GRXCR2: variants seen among roughly 807,000 people sequenced by gnomAD.
GRXCR2 encodes the protein glutaredoxin and cysteine rich domain containing 2, also known as glutaredoxin domain-containing cysteine-rich protein 2.
GRXCR2 carries 23 observed loss-of-function variants against 24.8 expected under a neutral mutation model. That is an observed-to-expected ratio of 0.93 (90% CI 0.67 to 1.32). The LOEUF is 1.32. Among genes scored for constraint, GRXCR2 ranks in the 40% most tolerant of loss-of-function variants. GRXCR2 has a pLI of 0.00. For synonymous variants in GRXCR2, 130 were observed against 116.1 expected (o/e 1.12, Z -0.77); for missense variants, 315 against 303.4 (o/e 1.04, Z -0.28).
intron 2 of GRXCR2, among the ~76,000 whole-genome samples, chr5:145,913,281 C>A (rs1757191514): frequency 6.6e-6 from 1 of 152,210 alleles, no homozygotes; most frequent in South Asian, 2.1e-4. Context: ...CATTTAGACC[C>A]ATGGTCTTCC....
At position 145,859,849 on chromosome 5, in the gene GRXCR2, A is replaced by G; in HGVS notation, c.631T>C (p.Cys211Arg). Reference protein sequence around the residue: ...RGSGSATCSLCHGSKFSMLAN... With the variant: ...RGSGSATCSLRHGSKFSMLAN... Reference sequence around the variant, plus strand: ...AGCATCGAGAACTTGCTGCCGTGGCACAGAGAGCAGGTGGCACTGCCCGAC... The same window carrying G: ...AGCATCGAGAACTTGCTGCCGTGGCGCAGAGAGCAGGTGGCACTGCCCGAC... Residue 211 changes from cysteine (C) to arginine (R), a missense_variant, in exon 3 of 3, where the codon TGC (cysteine) becomes CGC (arginine). Physicochemically the swap from Cys to Arg is radical, Grantham distance 180 (BLOSUM62 -3). Coordinates refer to ENST00000377976, the MANE Select transcript of GRXCR2 (RefSeq NM_001080516.2). The G allele has an allele frequency of 1.9e-6, 3 of 1,613,282 alleles. No individual in the cohort carries two copies. The highest frequency in any genetic ancestry group is 2.5e-6 in the Non-Finnish European group (3 of 1,179,510).
intron 2 of GRXCR2, among the ~76,000 whole-genome samples, chr5:145,864,519 G>A (rs954400096): frequency 1.7e-4 from 26 of 152,126 alleles, no homozygotes; most frequent in Admixed American, 1.6e-3. Flanking sequence ...GGAACCTGGT[G>A]GAAGGTGATT....
rs148307083 is a variant in GRXCR2 at position 145,900,605 on chromosome 5, G to A, written c.-69-33877C>T. On this transcript the variant is annotated intron_variant, in intron 2 of 3. Transcript: ENST00000639411. ...CACAGTGAGATGCCATCTCACACCA[G>A]TCAGAATGGCAATTATTAAAAAGTC... is the stretch of plus-strand genomic sequence containing the variant. Among the ~76,000 whole-genome samples the A allele has an allele frequency of 6.9e-3, 1,052 of 152,262 alleles. 11 individuals carry two copies. Among genetic ancestry groups the A allele is most frequent in the African/African-American group, 0.024 (1,012 of 41,550 alleles).
chr5:145,889,175 AGAAAG>A (rs1177663849), intron 2 of GRXCR2, among the ~76,000 whole-genome samples: 4 of 83,570 alleles, frequency 4.8e-5, no homozygotes, highest in African/African-American at 1.8e-4. Context: ...TCTCAAAAAA[AGAAAG>A]AAAGAAAGAA....
upstream of GRXCR2, among the ~76,000 whole-genome samples, chr5:145,874,815 C>A (rs1561679201): frequency 6.6e-6 from 1 of 152,210 alleles, no homozygotes; most frequent in East Asian, 1.9e-4. Flanking sequence ...CTCTGTCACT[C>A]TTCCAGGGGC....
At chr5:145,915,462 C>A (rs1757223455) in intron 2 of GRXCR2, among the ~76,000 whole-genome samples, 1 of 152,100 alleles carries the variant, frequency 6.6e-6, no homozygotes, top group African/African-American at 2.4e-5. Flanking sequence ...TCCAGAACAA[C>A]CTCAAGCCAC....
chr5:145,913,220 T>C (rs190970901), intron 2 of GRXCR2, among the ~76,000 whole-genome samples: 133 of 152,340 alleles, frequency 8.7e-4, no homozygotes, highest in African/African-American at 3.1e-3. Context: ...CACCTGTTTT[T>C]CTACTAATGT....
At chr5:145,886,111 T>C (rs1756776020) in intron 2 of GRXCR2, among the ~76,000 whole-genome samples, 1 of 152,206 alleles carries the variant, frequency 6.6e-6, no homozygotes, top group African/African-American at 2.4e-5. Context: ...ACTAGTCTCA[T>C]CATATTCTAG....
In GRXCR2 at chr5:145,858,574, GTTAAA is replaced by G. The variant is rs1450070259; in HGVS notation, c.*1154_*1158del. On this transcript the variant is annotated 3_prime_UTR_variant, in exon 3 of 3. Transcript: ENST00000377976. ...TATATTGCCTGAAAAGCATTCCATT[GTTAAA>G]TTATGTTAAACGCTGAATATTAGAG... is the stretch of plus-strand genomic sequence containing the variant. 1 of 152,106 alleles carries G rather than the reference GTTAAA, an allele frequency of 6.6e-6. No individual in the cohort carries two copies. The highest frequency in any genetic ancestry group is 2.4e-5 in the African/African-American group (1 of 41,426). The allele number at this position is 152,106 out of a possible 1,614,324, so 9.4% of individuals were successfully genotyped here.
intron 2 of GRXCR2, among the ~76,000 whole-genome samples, chr5:145,884,201 A>G (rs1220398869): frequency 6.6e-6 from 1 of 152,158 alleles, no homozygotes; most frequent in South Asian, 2.1e-4. Context: ...CAGAGAATAG[A>G]GGAATGGTTA....
At chr5:145,868,227 G>C (rs1300884292) in intron 1 of GRXCR2, among the ~76,000 whole-genome samples, 1 of 152,090 alleles carries the variant, frequency 6.6e-6, no homozygotes, top group Non-Finnish European at 1.5e-5. Flanking sequence ...CTTCTGTAGT[G>C]CATGCACAAT....
chr5:145,928,808 C>T (rs1757436266), intron 2 of GRXCR2, among the ~76,000 whole-genome samples: 1 of 151,668 alleles, frequency 6.6e-6, no homozygotes, highest in African/African-American at 2.4e-5. Flanking sequence ...TGTTAAATGA[C>T]AAGTTAATGG....
At chr5:145,928,109 T>C (rs1436252278) in intron 2 of GRXCR2, among the ~76,000 whole-genome samples, 2 of 151,756 alleles carry the variant, frequency 1.3e-5, no homozygotes, top group Non-Finnish European at 2.9e-5. Context: ...AACAGACACT[T>C]CTCAAAAGAA....
chr5:145,878,930 T>C (rs530823929), intron 2 of GRXCR2, among the ~76,000 whole-genome samples: 186 of 152,292 alleles, frequency 1.2e-3, no homozygotes, highest in Non-Finnish European at 2.0e-3. Flanking sequence ...CAGAATTTCA[T>C]ATCCAGCCAA....
chr5:145,900,229 TGA>T (rs1326603176), intron 2 of GRXCR2, among the ~76,000 whole-genome samples: 2 of 152,080 alleles, frequency 1.3e-5, no homozygotes, highest in African/African-American at 4.8e-5. Context: ...CTCCTGATAG[TGA>T]GTTCTTACGA....
At chr5:145,917,163 C>T (rs761666529) in intron 2 of GRXCR2, among the ~76,000 whole-genome samples, 3 of 150,046 alleles carry the variant, frequency 2.0e-5, no homozygotes, top group African/African-American at 7.4e-5. Flanking sequence ...AAGATGGACA[C>T]GTTCTCCACA....
intron 2 of GRXCR2, among the ~76,000 whole-genome samples, chr5:145,895,791 C>T (rs896207222): frequency 1.3e-5 from 2 of 152,184 alleles, no homozygotes; most frequent in South Asian, 2.1e-4. Context: ...CTTTAAAGTT[C>T]GTATGGAACC....
chr5:145,902,293 G>A (rs754983170), intron 2 of GRXCR2, among the ~76,000 whole-genome samples: 8 of 152,062 alleles, frequency 5.3e-5, no homozygotes, highest in Non-Finnish European at 1.2e-4. Context: ...TGTAGATACA[G>A]TGTCTCACTA....
chr5:145,919,616 G>A (rs1757296350), intron 2 of GRXCR2, among the ~76,000 whole-genome samples: 1 of 152,154 alleles, frequency 6.6e-6, no homozygotes, highest in Admixed American at 6.5e-5. Flanking sequence ...AGGCGGGTGG[G>A]TAGGAGGGAG....
Sources: gnomAD v4.1 joint callset for allele counts (sites outside exome capture counted in the v4.1 genomes callset) on GRCh38, gnomAD v4.1.1 for gene constraint, MANE v1.5 for transcripts, NCBI Gene and HGNC (gene_info 2026-07-23, HGNC 2026-07-21) for gene names.